The following SUGCT variants were observed in gnomAD, a reference collection of about 807,000 sequenced individuals.
SUGCT encodes the protein succinyl-CoA:glutarate CoA-transferase.
A neutral mutation model predicts 55.0 loss-of-function variants in SUGCT; 41 were observed. That is an observed-to-expected ratio of 0.74 (90% CI 0.58 to 0.97). The LOEUF (loss-of-function observed/expected upper bound fraction) is 0.97. Ranked by LOEUF, SUGCT falls within the 50% of genes least tolerant of loss-of-function variation. The probability of loss-of-function intolerance (pLI) is 0.00; values close to 1 mark genes in which losing one functional copy is unlikely to be tolerated. For synonymous variants in SUGCT, 187 were observed against 200.4 expected, an observed-to-expected ratio of 0.93 and a Z score of 0.56; for missense variants, 568 against 547.8, an observed-to-expected ratio of 1.04 and a Z score of -0.37.
chr7:40,470,747 G>GTCTCTCTCTCTCTC (rs34012862), intron 11 of SUGCT, among the ~76,000 whole-genome samples: 24 of 146,384 alleles, frequency 1.6e-4, no homozygotes, highest in African/African-American at 5.7e-4. Flanking sequence ...TAAGTGAACA[G>GTCTCTCTCTCTCTC]TCTCTCTCTC....
intron 13 of SUGCT, among the ~76,000 whole-genome samples, chr7:40,823,594 G>A (rs1051717025): frequency 1.3e-5 from 2 of 152,080 alleles, no homozygotes; most frequent in African/African-American, 4.8e-5. Context: ...GTAGTTGGAA[G>A]GGGTAGATTT....
At chr7:40,881,829 G>T in the SUGCT span, among the ~76,000 whole-genome samples, 1 of 152,146 alleles carries the variant, frequency 6.6e-6, no homozygotes, top group African/African-American at 2.4e-5. Flanking sequence ...AGGGAAAGCC[G>T]AAGGAGGAGC....
the SUGCT span, chr7:40,964,823 C>T: frequency 1.3e-5 from 2 of 152,306 alleles, no homozygotes; most frequent in African/African-American, 2.4e-5. Flanking sequence ...TTTGGCAGAT[C>T]CCTATGCTGT....
chr7:40,683,102 T>C (rs572986923), intron 12 of SUGCT, among the ~76,000 whole-genome samples: 1 of 152,204 alleles, frequency 6.6e-6, no homozygotes, highest in African/African-American at 2.4e-5. Context: ...TAGATGACTT[T>C]TCTGCTTAAA....
the SUGCT span, among the ~76,000 whole-genome samples, chr7:40,984,655 TAGGTTGCTATAACTATATTCC>T: frequency 2.0e-4 from 30 of 152,250 alleles, no homozygotes; most frequent in Non-Finnish European, 4.1e-4. Flanking sequence ...TGTGATGTTC[TAGGTTGCTATAACTATATTCC>T]GACGGCTACC....
At position 40,837,425 on chromosome 7, in the gene SUGCT, C is replaced by A. The variant is rs1793046847; in HGVS notation, c.1154-22891C>A. Among the ~76,000 whole-genome samples, 9 of 152,180 alleles carry A rather than the reference C, an allele frequency of 5.9e-5. No homozygotes were observed. The South Asian group carries it at 1.9e-3, about 32-fold the overall frequency. On this transcript the variant is annotated intron_variant, in intron 13 of 13. Transcript: ENST00000335693. ...TGATCTTTCACAGAACAAATAGTTT[C>A]CATTCTGATGAGGTCCAATTTATCA...
the SUGCT span, among the ~76,000 whole-genome samples, chr7:40,950,706 T>G: frequency 6.6e-6 from 1 of 152,228 alleles, no homozygotes; most frequent in Non-Finnish European, 1.5e-5. Context: ...CTGTATCTAT[T>G]GAGATAATCG....
chr7:40,597,845 T>C (rs1798093970), intron 12 of SUGCT, among the ~76,000 whole-genome samples: 1 of 152,214 alleles, frequency 6.6e-6, no homozygotes, highest in African/African-American at 2.4e-5. Flanking sequence ...GGAGTTGCTG[T>C]TCCTGTAACA....
intron 12 of SUGCT, among the ~76,000 whole-genome samples, chr7:40,531,332 C>G (rs1794070888): frequency 6.6e-6 from 1 of 152,172 alleles, no homozygotes; most frequent in South Asian, 2.1e-4. Context: ...ACTGAAACAA[C>G]TGGCTCACAG....
intron 9 of SUGCT, among the ~76,000 whole-genome samples, chr7:40,403,895 GGATT>G (rs1786219778): frequency 6.6e-6 from 1 of 152,134 alleles, no homozygotes; most frequent in Admixed American, 6.5e-5. Flanking sequence ...TCTGCTTCTG[GGATT>G]CTTTTTGACT....
chr7:40,691,487 G>A (rs748874362), intron 12 of SUGCT, among the ~76,000 whole-genome samples: 7 of 152,064 alleles, frequency 4.6e-5, no homozygotes, highest in Non-Finnish European at 7.4e-5. Context: ...CCAGCTTTCT[G>A]GTGAGAGTGG....
intron 12 of SUGCT, among the ~76,000 whole-genome samples, chr7:40,645,444 G>A (rs1304431317): frequency 6.6e-6 from 1 of 152,124 alleles, no homozygotes; most frequent in African/African-American, 2.4e-5. Context: ...TGCCTCTCTT[G>A]TGTACTCCTC....
At chr7:40,415,061 AATCTATCTATCT>A (rs58954731) in intron 9 of SUGCT, among the ~76,000 whole-genome samples, 17 of 63,622 alleles carry the variant, frequency 2.7e-4, no homozygotes, top group East Asian at 1.3e-3. Flanking sequence ...AAAAAAAAAA[AATCTATCTATCT>A]ATCTATCTAT....
chr7:40,856,674 C>T (rs1291271141), intron 13 of SUGCT, among the ~76,000 whole-genome samples: 1 of 152,122 alleles, frequency 6.6e-6, no homozygotes, highest in Non-Finnish European at 1.5e-5. Context: ...ATTGAGCAGA[C>T]TTAAAAATCT....
the SUGCT span, among the ~76,000 whole-genome samples, chr7:40,972,474 C>T: frequency 6.6e-6 from 1 of 152,188 alleles, no homozygotes; most frequent in Admixed American, 6.5e-5. Context: ...GTTGGTTCCC[C>T]TTGCTTCCAA....
At chr7:40,271,698 C>T (rs926134041) in intron 7 of SUGCT, among the ~76,000 whole-genome samples, 1 of 152,032 alleles carries the variant, frequency 6.6e-6, no homozygotes, top group Non-Finnish European at 1.5e-5. Context: ...CCAATTATTC[C>T]CTGCTAACTA....
chr7:40,907,204 A>G, the SUGCT span, among the ~76,000 whole-genome samples: 1 of 151,738 alleles, frequency 6.6e-6, no homozygotes, highest in Non-Finnish European at 1.5e-5. Context: ...CAGAATCATG[A>G]ACTTCACTGA....
At chr7:40,254,464 C>T (rs1182011966) in intron 7 of SUGCT, among the ~76,000 whole-genome samples, 2 of 151,310 alleles carry the variant, frequency 1.3e-5, no homozygotes, top group Non-Finnish European at 2.9e-5. Context: ...GTGGTGTGAT[C>T]TCGGCTCTCC....
At chr7:40,830,624 A>G (rs1792611635) in intron 13 of SUGCT, among the ~76,000 whole-genome samples, 3 of 152,162 alleles carry the variant, frequency 2.0e-5, no homozygotes, top group South Asian at 2.1e-4. Flanking sequence ...TGCCTTGATT[A>G]TTTCTCCTTG....
Sources: gnomAD v4.1 joint callset for allele counts (sites outside exome capture counted in the v4.1 genomes callset) on GRCh38, gnomAD v4.1.1 for gene constraint, MANE v1.5 for transcripts, NCBI Gene and HGNC (gene_info 2026-07-23, HGNC 2026-07-21) for gene names.